The following UNC13C variants were observed in gnomAD, a reference collection of about 807,000 sequenced individuals.
The protein encoded by UNC13C is protein unc-13 homolog C.
UNC13C carries 174 observed loss-of-function variants against 245.4 expected under a neutral mutation model. The observed-to-expected ratio is 0.71, with a 90% CI of 0.63 to 0.80. UNC13C has a LOEUF of 0.80. Ranked by LOEUF, UNC13C falls within the 30% of genes least tolerant of loss-of-function variation. The probability of loss-of-function intolerance (pLI) is 0.00; values close to 1 mark genes in which losing one functional copy is unlikely to be tolerated. For synonymous variants in UNC13C, 992 were observed against 895.1 expected, an observed-to-expected ratio of 1.11 and a Z score of -1.93; for missense variants, 2,829 against 2,602.9, an observed-to-expected ratio of 1.09 and a Z score of -1.89.
chr15:54,438,189 C>G (rs1890323868), intron 19 of UNC13C, among the ~76,000 whole-genome samples: 1 of 151,916 alleles, frequency 6.6e-6, no homozygotes, highest in Admixed American at 6.6e-5. Context: ...ACCTATCCAG[C>G]AGGTGTAGTC....
intron 19 of UNC13C, among the ~76,000 whole-genome samples, chr15:54,443,744 T>G (rs2140994183): frequency 6.6e-6 from 1 of 152,128 alleles, no homozygotes; most frequent in Non-Finnish European, 1.5e-5. Flanking sequence ...TGATTTCTAA[T>G]TTTATTTTAT....
intron 30 of UNC13C, among the ~76,000 whole-genome samples, chr15:54,596,694 C>A (rs1432413703): frequency 1.3e-5 from 2 of 152,106 alleles, no homozygotes; most frequent in African/African-American, 4.8e-5. Flanking sequence ...GTTATGGGGG[C>A]AGATCTCTCA....
intron 25 of UNC13C, among the ~76,000 whole-genome samples, chr15:54,527,306 C>A (rs1057109981): frequency 6.6e-6 from 1 of 151,894 alleles, no homozygotes; most frequent in Non-Finnish European, 1.5e-5. Context: ...GTTCTAGTTG[C>A]AAATTAACAT....
chr15:54,370,621 T>C (rs2039468092), intron 17 of UNC13C, among the ~76,000 whole-genome samples: 1 of 152,158 alleles, frequency 6.6e-6, no homozygotes, highest in South Asian at 2.1e-4. Context: ...AACATGAATA[T>C]GGTATTTTCT....
downstream of UNC13C, chr15:54,629,016 G>GCAAA (rs776581060): frequency 1.3e-4 from 20 of 152,182 alleles, no homozygotes; most frequent in African/African-American, 2.9e-4. Flanking sequence ...ATTCACAATA[G>GCAAA]CAAACACATG....
At chr15:54,032,868 G>A (rs892109482) in intron 2 of UNC13C, among the ~76,000 whole-genome samples, 3 of 152,182 alleles carry the variant, frequency 2.0e-5, no homozygotes, top group Admixed American at 6.5e-5. Flanking sequence ...ATTATTCTAA[G>A]TGAAGTAACT....
intron 19 of UNC13C, among the ~76,000 whole-genome samples, chr15:54,422,694 T>C: frequency 6.6e-6 from 1 of 151,806 alleles, no homozygotes; most frequent in East Asian, 2.0e-4. Context: ...AGGGCTCCTT[T>C]CCATTCTTCA....
At chr15:54,225,436 C>G (rs1197180859) in intron 4 of UNC13C, among the ~76,000 whole-genome samples, 6 of 152,172 alleles carry the variant, frequency 3.9e-5, no homozygotes, top group Admixed American at 3.9e-4. Context: ...TTCTTTCTAT[C>G]CATGAGCATG....
chr15:53,932,328 AC>A, the UNC13C span, among the ~76,000 whole-genome samples: 1 of 151,800 alleles, frequency 6.6e-6, no homozygotes, highest in African/African-American at 2.4e-5. Context: ...AACAACAACA[AC>A]AACAACAACA....
the UNC13C span, among the ~76,000 whole-genome samples, chr15:53,874,797 A>G: frequency 3.3e-5 from 5 of 152,210 alleles, no homozygotes; most frequent in African/African-American, 1.2e-4. Context: ...TGCCATGTAA[A>G]TAATTTAAAA....
chr15:54,599,273 C>G (rs1489667941), intron 30 of UNC13C, among the ~76,000 whole-genome samples: 2 of 152,066 alleles, frequency 1.3e-5, no homozygotes, highest in African/African-American at 4.8e-5. Flanking sequence ...CTTCAAGATT[C>G]CACGTTCAGG....
At chr15:54,126,136 T>C (rs912954637) in intron 2 of UNC13C, among the ~76,000 whole-genome samples, 9 of 152,094 alleles carry the variant, frequency 5.9e-5, no homozygotes, top group African/African-American at 1.9e-4. Flanking sequence ...CCTTAACATA[T>C]CAATAATTAC....
chr15:54,510,541 A>G (rs1894689198), intron 23 of UNC13C, among the ~76,000 whole-genome samples: 1 of 152,196 alleles, frequency 6.6e-6, no homozygotes, highest in African/African-American at 2.4e-5. Context: ...TAAAAAATAA[A>G]GTTTTTAAGT....
intron 19 of UNC13C, among the ~76,000 whole-genome samples, chr15:54,417,552 T>C (rs968890502): frequency 6.6e-6 from 1 of 152,152 alleles, no homozygotes; most frequent in Admixed American, 6.6e-5. Flanking sequence ...ACTGGGGACT[T>C]GGGTACAATT....
At chr15:54,387,424 C>T (rs1403899307) in intron 17 of UNC13C, among the ~76,000 whole-genome samples, 1 of 152,080 alleles carries the variant, frequency 6.6e-6, no homozygotes, top group African/African-American at 2.4e-5. Flanking sequence ...TGGGAGTGTC[C>T]TTCAGCATGT....
intron 30 of UNC13C, among the ~76,000 whole-genome samples, chr15:54,604,814 TAGAG>T (rs1331717446): frequency 1.3e-5 from 2 of 152,180 alleles, no homozygotes; most frequent in African/African-American, 2.4e-5. Flanking sequence ...GCTGTCATAA[TAGAG>T]AGCATGAGAA....
rs74444571 is a variant in UNC13C at position 54,315,066 on chromosome 15, T to C, written c.4269-6873T>C. ...TTTTTCTGCTTCCACTGCCGACTCATTTGAATCCATCTTTATACCACTTCA... is the reference window on the plus strand; with the variant it reads ...TTTTTCTGCTTCCACTGCCGACTCACTTGAATCCATCTTTATACCACTTCA... On this transcript the variant is annotated intron_variant, in intron 13 of 32. Coordinates refer to ENST00000260323, the MANE Select transcript of UNC13C (RefSeq NM_001080534.3). 1.5e-3 allele frequency among the ~76,000 whole-genome samples: 227 copies of C among 151,926 alleles called. 5 individuals carry two copies. The East Asian group carries it at 0.042, about 28-fold the overall frequency.
chr15:54,323,832 C>T (rs1355566643), intron 14 of UNC13C, among the ~76,000 whole-genome samples: 1 of 151,966 alleles, frequency 6.6e-6, no homozygotes, highest in East Asian at 1.9e-4. Context: ...TCTAATATTC[C>T]GTCTGTGTAT....
At chr15:54,371,868 C>T (rs937211039) in intron 17 of UNC13C, among the ~76,000 whole-genome samples, 20 of 152,040 alleles carry the variant, frequency 1.3e-4, no homozygotes, top group African/African-American at 4.8e-4. Context: ...TGCATGATCT[C>T]ACATATTTGT....
Sources: allele counts gnomAD v4.1 joint callset (sites outside exome capture counted in the v4.1 genomes callset), GRCh38; gene constraint gnomAD v4.1.1; transcripts MANE v1.5; gene names NCBI Gene and HGNC (gene_info 2026-07-23, HGNC 2026-07-21).